The following ATP9B variants were observed in gnomAD, a reference collection of about 807,000 sequenced individuals.
ATP9B encodes the protein probable phospholipid-transporting ATPase IIB.
In ATP9B, 110 loss-of-function variants were observed where a neutral mutation model predicts 146.1. That is an observed-to-expected ratio of 0.75 (90% CI 0.65 to 0.88). The LOEUF (loss-of-function observed/expected upper bound fraction) is 0.88. Among genes scored for constraint, ATP9B ranks in the 40% least tolerant of loss-of-function variants. The pLI is 0.00. For missense variants in ATP9B, 1,499 were observed against 1,496.4 expected (o/e 1.00, Z -0.03); for synonymous variants, 604 against 569.7 (o/e 1.06, Z -0.86).
At chr18:79,374,476 T>G (rs2097091860) in intron 28 of ATP9B, among the ~76,000 whole-genome samples, 2 of 131,056 alleles carry the variant, frequency 1.5e-5, no homozygotes, top group African/African-American at 5.9e-5. Flanking sequence ...GGCTGGCCGG[T>G]CCCCTGACAG....
intron 8 of ATP9B, among the ~76,000 whole-genome samples, chr18:79,184,116 T>G (rs1167489908): frequency 1.3e-5 from 2 of 152,234 alleles, no homozygotes; most frequent in African/African-American, 4.8e-5. Context: ...GGCTTTGTCT[T>G]GTACCAGGAG....
intron 8 of ATP9B, among the ~76,000 whole-genome samples, chr18:79,182,152 T>C (rs1487813902): frequency 6.6e-6 from 1 of 152,236 alleles, no homozygotes. Context: ...ATCCTGTTGC[T>C]AGAGCATGAT....
intron 16 of ATP9B, among the ~76,000 whole-genome samples, chr18:79,329,792 C>T (rs972579498): frequency 6.6e-6 from 1 of 152,214 alleles, no homozygotes; most frequent in South Asian, 2.1e-4. Context: ...AGACCTTCAG[C>T]CTAGCATCTC....
At chr18:79,364,458 C>T (rs1283910136) in intron 26 of ATP9B, among the ~76,000 whole-genome samples, 3 of 152,016 alleles carry the variant, frequency 2.0e-5, no homozygotes, top group Non-Finnish European at 4.4e-5. Context: ...CTTTGGCAAA[C>T]ATGAGAGGAA....
At chr18:79,253,278 A>G (rs1175795150) in intron 11 of ATP9B, 103 bp from the exon 12 acceptor site, 2 of 1,119,282 alleles carry the variant, frequency 1.8e-6, no homozygotes, top group Non-Finnish European at 1.3e-6. Flanking sequence ...ATACCAATAA[A>G]TTTTAAAGTT....
Position 79,320,019 on chromosome 18 carries a change from A to T in ATP9B, c.1774-9122A>T, listed in dbSNP as rs1013212615. 2.0e-5 allele frequency among the ~76,000 whole-genome samples: 3 copies of T among 152,254 alleles called. No homozygotes were observed. The East Asian group carries it at 5.8e-4, about 29-fold the overall frequency. On this transcript the variant is annotated intron_variant, in intron 15 of 29. Coordinates refer to ENST00000426216, the MANE Select transcript of ATP9B (RefSeq NM_198531.5). ...ATTGCTCTGCAGCAGCCCTGTGCTCACCAGGCTGTCCAGGCCCTGGAGAGT... is the reference window on the plus strand; with the variant it reads ...ATTGCTCTGCAGCAGCCCTGTGCTCTCCAGGCTGTCCAGGCCCTGGAGAGT...
intron 15 of ATP9B, among the ~76,000 whole-genome samples, chr18:79,327,106 G>A (rs1338930104): frequency 6.6e-6 from 1 of 152,244 alleles, no homozygotes; most frequent in Non-Finnish European, 1.5e-5. Context: ...TCACAGGAAT[G>A]TTCAGAAGGC....
rs1255772731 is a variant in ATP9B at position 79,175,032 on chromosome 18, C to T, written c.779-1781C>T. ...TGGCCAACATGGTGAAACCCTGTCT[C>T]TACTAAAAATACAAAAAAATTAGCT... On this transcript the variant is annotated intron_variant, in intron 7 of 29. Transcript: ENST00000426216. Among the ~76,000 whole-genome samples, 3 of 151,818 alleles carry T rather than the reference C, an allele frequency of 2.0e-5. No homozygotes were observed. The South Asian group carries it at 6.2e-4, about 32-fold the overall frequency.
intron 6 of ATP9B, among the ~76,000 whole-genome samples, chr18:79,148,546 T>C (rs145497541): frequency 1.2e-4 from 18 of 152,310 alleles, no homozygotes; most frequent in Admixed American, 3.9e-4. Context: ...CCAACACTCA[T>C]TCATGATAAA....
chr18:79,293,516 T>A, intron 13 of ATP9B, among the ~76,000 whole-genome samples: 1 of 152,112 alleles, frequency 6.6e-6, no homozygotes, highest in East Asian at 1.9e-4. Flanking sequence ...TTGAGCCTCC[T>A]CCCATCATGG....
chr18:79,190,008 C>T (rs776884660), intron 8 of ATP9B, among the ~76,000 whole-genome samples: 4 of 152,158 alleles, frequency 2.6e-5, no homozygotes, highest in Non-Finnish European at 5.9e-5. Context: ...GGTGCCGCAC[C>T]GCATTTCCAG....
At chr18:79,244,969 T>C in intron 11 of ATP9B, among the ~76,000 whole-genome samples, 1 of 152,178 alleles carries the variant, frequency 6.6e-6, no homozygotes, top group Admixed American at 6.5e-5. Flanking sequence ...ATCTATTTTT[T>C]ATATGCTTTG....
At chr18:79,326,091 C>T (rs1159503724) in intron 15 of ATP9B, among the ~76,000 whole-genome samples, 10 of 56,198 alleles carry the variant, frequency 1.8e-4, no homozygotes, top group East Asian at 5.8e-4. Context: ...TCTGTACCCT[C>T]CCTCCCCTCA....
chr18:79,252,046 T>C (rs996872760), intron 11 of ATP9B, among the ~76,000 whole-genome samples: 5 of 152,220 alleles, frequency 3.3e-5, no homozygotes, highest in African/African-American at 1.2e-4. Context: ...GCCCTGTGGG[T>C]ACCACCACTT....
At chr18:79,263,207 T>A (rs2096163183) in intron 12 of ATP9B, among the ~76,000 whole-genome samples, 1 of 152,238 alleles carries the variant, frequency 6.6e-6, no homozygotes, top group Non-Finnish European at 1.5e-5. Context: ...AAAAATTGCA[T>A]ATATAAATAT....
At chr18:79,129,023 G>T (rs1255367315) in intron 5 of ATP9B, among the ~76,000 whole-genome samples, 2 of 152,140 alleles carry the variant, frequency 1.3e-5, no homozygotes, top group African/African-American at 4.8e-5. Context: ...CCAAATAATT[G>T]TTTCTGCCTC....
At chr18:79,376,263 C>G in intron 29 of ATP9B, 1 of 984,736 alleles carries the variant, frequency 1.0e-6, no homozygotes, top group Non-Finnish European at 1.2e-6. Context: ...ACAAATCCCA[C>G]AGGTTAGGTG....
At chr18:79,332,193 G>A (rs1188390741) in intron 17 of ATP9B, among the ~76,000 whole-genome samples, 1 of 152,240 alleles carries the variant, frequency 6.6e-6, no homozygotes, top group Non-Finnish European at 1.5e-5. Context: ...ACTTTGGGAG[G>A]CCAAGGCGGG....
intron 11 of ATP9B, among the ~76,000 whole-genome samples, chr18:79,237,921 C>T (rs1284221139): frequency 1.3e-5 from 2 of 152,104 alleles, no homozygotes; most frequent in Non-Finnish European, 2.9e-5. Context: ...GAGTCCTGGC[C>T]TCAAGTGATC....
Sources: allele counts gnomAD v4.1 joint callset (sites outside exome capture counted in the v4.1 genomes callset), GRCh38; gene constraint gnomAD v4.1.1; transcripts MANE v1.5; gene names NCBI Gene and HGNC (gene_info 2026-07-23, HGNC 2026-07-21).